Variants in ZSCAN5A observed in about 807,000 individuals in gnomAD.
The protein encoded by ZSCAN5A is zinc finger and SCAN domain containing 5A.
Under a neutral mutation model 23.7 loss-of-function variants are expected in ZSCAN5A, and 12 were observed. That is an observed-to-expected ratio of 0.51 (90% CI 0.32 to 0.82). The LOEUF (loss-of-function observed/expected upper bound fraction) is 0.82, where lower values mean the gene tolerates loss of function less well. Ranked by LOEUF, ZSCAN5A falls within the 40% of genes least tolerant of loss-of-function variation. The pLI is 0.03. For synonymous variants in ZSCAN5A, 257 were observed against 239.9 expected, an observed-to-expected ratio of 1.07 and a Z score of -0.66; for missense variants, 597 against 617.9, an observed-to-expected ratio of 0.97 and a Z score of 0.36.
intron 2 of ZSCAN5A, chr19:56,286,343 G>A (rs1015047895): frequency 2.0e-5 from 3 of 151,962 alleles, no homozygotes; most frequent in African/African-American, 7.2e-5. Flanking sequence ...TTGATAATGT[G>A]GTGGCCAAAA....
chr19:56,276,352 A>AAATG (rs1476765862), intron 2 of ZSCAN5A, among the ~76,000 whole-genome samples: 1 of 152,134 alleles, frequency 6.6e-6, no homozygotes, highest in African/African-American at 2.4e-5. Flanking sequence ...CCTATTCGGA[A>AAATG]AATGAAGAGC....
At chr19:56,280,185 TTA>T (rs1465314426) in intron 2 of ZSCAN5A, among the ~76,000 whole-genome samples, 1 of 152,240 alleles carries the variant, frequency 6.6e-6, no homozygotes, top group Non-Finnish European at 1.5e-5. Flanking sequence ...AGACAGCGTA[TTA>T]TACACACTGT....
At chr19:56,267,747 T>G (rs2037571767) in intron 2 of ZSCAN5A, among the ~76,000 whole-genome samples, 1 of 152,212 alleles carries the variant, frequency 6.6e-6, no homozygotes, top group Admixed American at 6.5e-5. Flanking sequence ...ATCTCACTTT[T>G]TTCATCTATA....
intron 2 of ZSCAN5A, among the ~76,000 whole-genome samples, chr19:56,289,495 C>T (rs983864614): frequency 2.0e-5 from 3 of 152,158 alleles, no homozygotes; most frequent in African/African-American, 7.2e-5. Flanking sequence ...CCCCTCTTCC[C>T]ATGAGTACTG....
rs571183904 is a variant in ZSCAN5A, at chr19:56,302,633, C to T, written c.-128+10650G>A. ...TCTCCCTCTTCCTCCCTCCCTCCTCCTCCCTTCCTTTTCTTCCCCCCCTCC... is the reference window on the plus strand; with the variant it reads ...TCTCCCTCTTCCTCCCTCCCTCCTCTTCCCTTCCTTTTCTTCCCCCCCTCC... On this transcript the variant is annotated intron_variant, in intron 2 of 5. Transcript: ENST00000683990. Among the ~76,000 whole-genome samples the T allele has an allele frequency of 2.1e-3, 274 of 131,078 alleles. 2 individuals are homozygous for T. The highest frequency in any genetic ancestry group is 7.8e-3 in the African/African-American group (252 of 32,442). The allele number at this position is 131,078 out of a possible 152,430, so 86.0% of individuals were successfully genotyped here. A position where few individuals can be genotyped will look rare whatever the true frequency, so the allele number is the denominator to read the frequency against.
intron 2 of ZSCAN5A, chr19:56,321,283 G>A (rs984791565): frequency 7.2e-5 from 48 of 663,272 alleles, no homozygotes; most frequent in Non-Finnish European, 1.3e-4. Context: ...TTTTGCCAGG[G>A]TAAGAAGAAA....
rs559581393 is a variant in ZSCAN5A at position 56,364,756 on chromosome 19, T to C, written c.-521-1358A>G. On this transcript the variant is annotated intron_variant, in intron 1 of 6. Transcript: ENST00000587340. ...AATGCTACTAAGAACTGTTGACGTA[T>C]ACCCTACACATATGAATTGCTAACA... Among the ~76,000 whole-genome samples the C allele has an allele frequency of 1.4e-3, 216 of 152,356 alleles. 1 individual carries two copies. Among genetic ancestry groups the C allele is most frequent in the Non-Finnish European group, 2.8e-3 (190 of 68,026 alleles).
chr19:56,242,471 G>T (rs147908011), intron 2 of ZSCAN5A, among the ~76,000 whole-genome samples: 2 of 152,090 alleles, frequency 1.3e-5, no homozygotes, highest in Non-Finnish European at 2.9e-5. Context: ...TCTCCTCTGG[G>T]TTGTCTTCCC....
intron 2 of ZSCAN5A, among the ~76,000 whole-genome samples, chr19:56,249,122 AG>A (rs1186911140): frequency 1.3e-5 from 2 of 152,122 alleles, no homozygotes; most frequent in Non-Finnish European, 2.9e-5. Context: ...TGAACTACAG[AG>A]GCATTGGGAG....
At position 56,222,159 on chromosome 19, in the gene ZSCAN5A, C is replaced by G; in HGVS notation, c.907G>C (p.Asp303His). ...TCTTCTTGGGAAATGGAGGAGGCAT[C>G]TGGTTTGCTTCTTTTGGGACTGCTC... is the stretch of plus-strand genomic sequence containing the variant. ...NLSSPKRSKP[D>H]ASSISQEEPQ... The change falls in exon 6 of 6, where the codon GAT becomes CAT. Residue 303 changes from aspartate to histidine, a missense_variant. This residue lies in a region of ZSCAN5A where 406 missense variants were observed against 353.2 expected (regional missense o/e 1.15). Transcript: ENST00000683990. 1 of 1,614,070 alleles carries G rather than the reference C, an allele frequency of 6.2e-7. No individual in the cohort carries two copies. The highest frequency in any genetic ancestry group is 8.5e-7 in the Non-Finnish European group (1 of 1,180,038).
rs773792328 is a variant in ZSCAN5A, at chr19:56,224,836, G to C, written c.211C>G (p.Leu71Val). 2 of 1,613,242 alleles carry C rather than the reference G, an allele frequency of 1.2e-6. No individual in the cohort carries two copies. Among genetic ancestry groups the C allele is most frequent in the Non-Finnish European group, 1.7e-6 (2 of 1,179,464 alleles). Residue 71 changes from leucine (L) to valine (V), a missense_variant, in exon 3 of 6, where the codon CTG becomes GTG. Around this residue, in one of 5 missense-constraint regions of ZSCAN5A, gnomAD observed 27 missense variants for 93.5 expected, o/e 0.29. Coordinates refer to ENST00000683990, the MANE Select transcript of ZSCAN5A (RefSeq NM_001322064.3). The stretch of plus-strand genomic sequence containing the variant: ...GTGTGGAGGTCGGGCCTCAGCCACA[G>C]ATGGCACAGCTCAGTGAGTTTCCTC... The part of the protein sequence containing the change: ...ALRKLTELCH[L>V]WLRPDLHTKE...
At chr19:56,237,374 TCAATAAACTA>T (rs1228693475) in intron 2 of ZSCAN5A, among the ~76,000 whole-genome samples, 1 of 152,116 alleles carries the variant, frequency 6.6e-6, no homozygotes, top group Non-Finnish European at 1.5e-5. Flanking sequence ...AGTTCAGTAT[TCAATAAACTA>T]CAGGAGAGAG....
intron 2 of ZSCAN5A, chr19:56,346,959 C>T (rs892726501): frequency 1.4e-4 from 22 of 152,318 alleles, no homozygotes; most frequent in African/African-American, 4.8e-4. Flanking sequence ...GATCCCTTGA[C>T]CTCGTTATCC....
chr19:56,359,198 A>T (rs2041717503), intron 2 of ZSCAN5A, among the ~76,000 whole-genome samples: 3 of 152,164 alleles, frequency 2.0e-5, no homozygotes, highest in Admixed American at 2.0e-4. Context: ...CTAATAAAGA[A>T]AAAAAGACAA....
intron 2 of ZSCAN5A, among the ~76,000 whole-genome samples, chr19:56,349,835 C>A (rs1384636176): frequency 6.6e-6 from 1 of 150,492 alleles, no homozygotes; most frequent in Non-Finnish European, 1.5e-5. Flanking sequence ...TTTATTATTT[C>A]TAAACTTTCC....
intron 2 of ZSCAN5A, among the ~76,000 whole-genome samples, chr19:56,328,855 C>A (rs34422966): frequency 6.6e-6 from 1 of 150,814 alleles, no homozygotes; most frequent in Non-Finnish European, 1.5e-5. Flanking sequence ...ATTAGCTGGG[C>A]ATGGTGGCGG....
intron 2 of ZSCAN5A, among the ~76,000 whole-genome samples, chr19:56,361,125 T>C (rs1355759691): frequency 6.6e-6 from 1 of 152,006 alleles, no homozygotes; most frequent in Non-Finnish European, 1.5e-5. Flanking sequence ...CAATGATCAC[T>C]GGAGAAATGC....
At chr19:56,297,065 G>C (rs928534061) in intron 2 of ZSCAN5A, among the ~76,000 whole-genome samples, 3 of 127,008 alleles carry the variant, frequency 2.4e-5, no homozygotes, top group African/African-American at 8.1e-5. Context: ...GCAAAACTCT[G>C]TCTCAAAAAA....
chr19:56,353,742 A>G (rs1222882097), intron 2 of ZSCAN5A, among the ~76,000 whole-genome samples: 3 of 152,168 alleles, frequency 2.0e-5, no homozygotes, highest in African/African-American at 7.2e-5. Context: ...AGATCGTGCC[A>G]CTGCACTCCA....
Sources: allele counts gnomAD v4.1 joint callset (sites outside exome capture counted in the v4.1 genomes callset), GRCh38; gene constraint gnomAD v4.1.1; regional missense constraint gnomAD v4.1.1; transcripts MANE v1.5; gene names NCBI Gene and HGNC (gene_info 2026-07-23, HGNC 2026-07-21).